Variants in DBR1 observed in about 807,000 individuals in gnomAD.
DBR1 encodes the protein lariat debranching enzyme.
Under a neutral mutation model 45.9 loss-of-function variants are expected in DBR1, and 33 were observed. That is an observed-to-expected ratio of 0.72 (90% CI 0.55 to 0.96). DBR1 has a LOEUF of 0.96. Among genes scored for constraint, DBR1 ranks in the 40% least tolerant of loss-of-function variants. The pLI, the probability that DBR1 is intolerant of heterozygous loss-of-function variation, is 0.00. For missense variants in DBR1, 619 were observed against 667.4 expected (o/e 0.93, Z 0.80); for synonymous variants, 235 against 235.9 (o/e 1.00, Z 0.04).
rs1389724021 is a variant in DBR1 at position 138,167,077 on chromosome 3, C to T, written c.714+4G>A. On this transcript the variant is annotated splice_donor_region_variant and intron_variant, in intron 5 of 7. Coordinates refer to ENST00000260803, the MANE Select transcript of DBR1 (RefSeq NM_016216.4). ...AATGAAAGAATAAACATTTTGTTTTCTACCTGATGCTGCATCAAGGCGGCA... is the reference window on the plus strand; with the variant it reads ...AATGAAAGAATAAACATTTTGTTTTTTACCTGATGCTGCATCAAGGCGGCA... 1 of 1,613,512 alleles carries T rather than the reference C, an allele frequency of 6.2e-7. No individual in the cohort carries two copies. The highest frequency in any genetic ancestry group is 1.7e-5 in the Admixed American group (1 of 60,004).
chr3:138,166,332 T>G (rs1225303709), intron 5 of DBR1, among the ~76,000 whole-genome samples: 1 of 152,214 alleles, frequency 6.6e-6, no homozygotes, highest in Non-Finnish European at 1.5e-5. Context: ...ACATCATCCA[T>G]GCAGTTAAGC....
At chr3:138,171,589 G>T in intron 3 of DBR1, 44 bp downstream of exon 3, 1 of 1,292,378 alleles carries the variant, frequency 7.7e-7, no homozygotes, top group Non-Finnish European at 1.1e-6. Context: ...CTTACTCTGG[G>T]GCATGCAAGT....
At chr3:138,167,394 C>T in intron 4 of DBR1, 89 bp from the exon 5 acceptor site, 1 of 835,446 alleles carries the variant, frequency 1.2e-6, no homozygotes, top group South Asian at 1.6e-5. Flanking sequence ...ACCATACAAC[C>T]ATTCACCCAC....
In DBR1 at chr3:138,170,133, T is replaced by C; in HGVS notation, c.463A>G (p.Asn155Asp). 1 of 1,597,688 alleles carries C rather than the reference T, an allele frequency of 6.3e-7. No homozygotes were observed. Among genetic ancestry groups the C allele is most frequent in the Non-Finnish European group, 8.6e-7 (1 of 1,168,488 alleles). Residue 155 changes from asparagine to aspartate, a missense_variant, in exon 4 of 8, where the codon AAT becomes GAT. Physicochemically the swap from Asn to Asp is conservative, Grantham distance 23. Around this residue, in one of 3 missense-constraint regions of DBR1, gnomAD observed 430 missense variants for 447.7 expected, o/e 0.96. Transcript: ENST00000260803. ...TGTTTTAATTTATAGACTTCAATAT[T>C]TCTCACATGATATATACTCCTGATT... Reference protein sequence around the residue: ...STIRSIYHVRNIEVYKLKQLK... With the variant: ...STIRSIYHVRDIEVYKLKQLK...
intron 2 of DBR1, among the ~76,000 whole-genome samples, chr3:138,172,914 A>G (rs1316295022): frequency 2.0e-5 from 3 of 152,204 alleles, no homozygotes; most frequent in Admixed American, 6.5e-5. Context: ...TTAAGCAGGG[A>G]AATCTGACCA....
chr3:138,167,397 T>A, intron 4 of DBR1, 92 bp from the exon 5 acceptor site: 1 of 824,130 alleles, frequency 1.2e-6, no homozygotes, highest in East Asian at 2.6e-5. Flanking sequence ...ATACAACCAT[T>A]CACCCACTGA....
intron 1 of DBR1, 41 bp downstream of exon 1, chr3:138,174,558 C>T: frequency 2.1e-6 from 3 of 1,439,486 alleles, no homozygotes; most frequent in Non-Finnish European, 2.9e-6. Flanking sequence ...AACCCAGTCC[C>T]ACCCCCCCAC....
At chr3:138,172,006 A>G (rs2042957656) in intron 2 of DBR1, among the ~76,000 whole-genome samples, 1 of 152,234 alleles carries the variant, frequency 6.6e-6, no homozygotes. Context: ...TTGGTACCTA[A>G]CTGAATACAC....
At chr3:138,163,286 G>C in intron 7 of DBR1, 63 bp downstream of exon 7, 1 of 1,543,300 alleles carries the variant, frequency 6.5e-7, no homozygotes, top group Non-Finnish European at 8.9e-7. Context: ...CAAAACAAAG[G>C]TGGGAGATAT....
chr3:138,164,637 G>GGTTTT (rs2042922240), intron 5 of DBR1, among the ~76,000 whole-genome samples: 1 of 152,006 alleles, frequency 6.6e-6, no homozygotes, highest in South Asian at 2.1e-4. Flanking sequence ...CTTAAAATGT[G>GGTTTT]GTTTTTTTCT....
Position 138,163,349 on chromosome 3 carries a change from C to T in DBR1, c.941G>A (p.Arg314Lys), listed in dbSNP as rs1453618731. ...AGGTCCTAAATAAAGTCTGACTTAC[C>T]TTGCATGCAGGCCATTATTTTCTGG... ...NMPENNGLHA[R>K]WDYSATEEGM... Residue 314 changes from arginine to lysine, a missense_variant and splice_region_variant, in exon 7 of 8, where the codon AGG becomes AAG. Physicochemically the swap from Arg to Lys is conservative, Grantham distance 26. Transcript: ENST00000260803. The T allele has an allele frequency of 6.2e-7, 1 of 1,612,394 alleles. No homozygotes were observed. Among genetic ancestry groups the T allele is most frequent in the Admixed American group, 1.7e-5 (1 of 59,814 alleles).
rs1277123772 is a variant in DBR1, at chr3:138,163,874, C to T, written c.715-16G>A. 1.3e-6 allele frequency: 2 copies of T among 1,590,432 alleles called. No individual in the cohort carries two copies. Among genetic ancestry groups the T allele is most frequent in the Non-Finnish European group, 1.7e-6 (2 of 1,159,550 alleles). ...TATCCTTTGCCTGGACAATATGAAT[C>T]ATGATTTAAGAAAGAATGTTAAAAC... On this transcript the variant is annotated splice_polypyrimidine_tract_variant and intron_variant, in intron 5 of 7. Transcript: ENST00000260803.
At chr3:138,169,742 G>A (rs1169542636) in intron 4 of DBR1, among the ~76,000 whole-genome samples, 2 of 152,138 alleles carry the variant, frequency 1.3e-5, no homozygotes, top group Non-Finnish European at 2.9e-5. Context: ...GACCAGCCTG[G>A]CAAACATGGT....
In DBR1 at chr3:138,174,762, C is replaced by T. The variant is rs574381516; in HGVS notation, c.34G>A (p.Glu12Lys). 1.2e-6 allele frequency: 2 copies of T among 1,611,834 alleles called. No individual in the cohort carries two copies. The highest frequency in any genetic ancestry group is 4.5e-5 in the East Asian group (2 of 44,860). The change falls in exon 1 of 8, where the codon GAG becomes AAG. Residue 12 changes from glutamate to lysine, a missense_variant. Transcript: ENST00000260803. ...AGCGTCTCATAGATCTTATCCAGCT[C>T]GCCGTGGCAGCAGCCAGCCACAGCC... ...RVAVAGCCHG[E>K]LDKIYETLAL...
In DBR1 at chr3:138,162,263, G is replaced by A. The variant is rs994842735; in HGVS notation, c.1261C>T (p.Leu421=). 13 of 1,613,958 alleles carry A rather than the reference G, an allele frequency of 8.1e-6. No homozygotes were observed. Among genetic ancestry groups the A allele is most frequent in the African/African-American group, 1.3e-5 (1 of 74,918 alleles). The change falls in exon 8 of 8, where the codon CTG becomes TTG. Residue 421 remains leucine (L), a synonymous_variant. Coordinates refer to ENST00000260803, the MANE Select transcript of DBR1 (RefSeq NM_016216.4). ...ATTTCATCTGGATTAATAGAAGACA[G>A]AGCAGATGTGTCTGTATTATATTCA... The part of the protein sequence containing the change: ...QSEYNTDTSA[L]SSINPDEIML...
At chr3:138,174,576 T>TG in intron 1 of DBR1, 23 bp downstream of exon 1, 1 of 1,328,250 alleles carries the variant, frequency 7.5e-7, no homozygotes, top group Non-Finnish European at 1.0e-6. Context: ...CACCGCCAAG[T>TG]CCGGGCCCGG....
intron 3 of DBR1, among the ~76,000 whole-genome samples, chr3:138,170,958 C>T (rs1024498293): frequency 6.6e-6 from 1 of 152,106 alleles, no homozygotes; most frequent in Admixed American, 6.6e-5. Context: ...CAATACGATA[C>T]ATTTATATGA....
intron 2 of DBR1, among the ~76,000 whole-genome samples, chr3:138,173,093 A>G (rs950861159): frequency 1.3e-5 from 2 of 151,916 alleles, no homozygotes; most frequent in East Asian, 1.9e-4. Flanking sequence ...CCCACAAAAA[A>G]AAAAAAAAAA....
chr3:138,173,220 C>CTTT (rs143723525), intron 2 of DBR1, among the ~76,000 whole-genome samples: 1 of 151,308 alleles, frequency 6.6e-6, no homozygotes, highest in African/African-American at 2.4e-5. Flanking sequence ...AGTTTAAGGT[C>CTTT]TTTAATTCAA....
Sources: allele counts gnomAD v4.1 joint callset (sites outside exome capture counted in the v4.1 genomes callset), GRCh38; gene constraint gnomAD v4.1.1; regional missense constraint gnomAD v4.1.1; transcripts MANE v1.5; gene names NCBI Gene and HGNC (gene_info 2026-07-23, HGNC 2026-07-21).